The following CADM2 variants were observed in gnomAD, a reference collection of about 807,000 sequenced individuals.
The protein encoded by CADM2 is cell adhesion molecule 2.
In CADM2, 12 loss-of-function variants were observed where a neutral mutation model predicts 49.8. The ratio of observed to expected loss-of-function variants is 0.24; its 90% CI spans 0.15 to 0.39. The LOEUF (loss-of-function observed/expected upper bound fraction) is 0.39. Among genes scored for constraint, CADM2 ranks in the 10% least tolerant of loss-of-function variants. The pLI, the probability that CADM2 is intolerant of heterozygous loss-of-function variation, is 1.00. For missense variants in CADM2, 378 were observed against 492.3 expected (o/e 0.77, Z 2.20); for synonymous variants, 214 against 175.4 (o/e 1.22, Z -1.74).
chr3:85,840,675 T>C (rs906410342), intron 3 of CADM2, among the ~76,000 whole-genome samples: 1 of 151,890 alleles, frequency 6.6e-6, no homozygotes, highest in Non-Finnish European at 1.5e-5. Flanking sequence ...ACCCAACTGT[T>C]ACTTGCAGTA....
At chr3:85,207,721 A>G (rs1157403316) in intron 1 of CADM2, among the ~76,000 whole-genome samples, 1 of 152,180 alleles carries the variant, frequency 6.6e-6, no homozygotes, top group Non-Finnish European at 1.5e-5. Flanking sequence ...AATTACAGAG[A>G]GTCTCTTTAA....
intron 8 of CADM2, among the ~76,000 whole-genome samples, chr3:86,050,704 G>C (rs771226942): frequency 3.3e-5 from 5 of 152,318 alleles, no homozygotes; most frequent in Non-Finnish European, 5.9e-5. Context: ...CAAGGCTTAA[G>C]GCTTGCACCC....
At chr3:85,148,123 GC>G (rs939006599) in intron 1 of CADM2, among the ~76,000 whole-genome samples, 1 of 152,110 alleles carries the variant, frequency 6.6e-6, no homozygotes, top group African/African-American at 2.4e-5. Flanking sequence ...GAATATCACA[GC>G]GTGTAAACAG....
intron 1 of CADM2, among the ~76,000 whole-genome samples, chr3:85,707,410 T>G (rs530377435): frequency 9.2e-4 from 138 of 150,724 alleles, no homozygotes; most frequent in African/African-American, 3.2e-3. Context: ...TTTTTTTTTT[T>G]GTAAAATAGT....
intron 2 of CADM2, among the ~76,000 whole-genome samples, chr3:85,743,560 C>T (rs1199801892): frequency 6.6e-6 from 1 of 152,170 alleles, no homozygotes. Flanking sequence ...CATCTATCCT[C>T]CTGCCTCCTA....
At chr3:85,658,623 T>C (rs2065293241) in intron 1 of CADM2, among the ~76,000 whole-genome samples, 1 of 139,394 alleles carries the variant, frequency 7.2e-6, no homozygotes, top group African/African-American at 2.6e-5. Flanking sequence ...TATATACATG[T>C]ATGCATATGT....
At chr3:85,359,920 C>A (rs1423044987) in intron 1 of CADM2, among the ~76,000 whole-genome samples, 1 of 151,100 alleles carries the variant, frequency 6.6e-6, no homozygotes, top group Non-Finnish European at 1.5e-5. Context: ...ATTATCAAAT[C>A]TGTTTAAAAA....
At chr3:85,284,646 G>T (rs2043583525) in intron 1 of CADM2, among the ~76,000 whole-genome samples, 1 of 152,092 alleles carries the variant, frequency 6.6e-6, no homozygotes, top group African/African-American at 2.4e-5. Flanking sequence ...CTTGAGACAG[G>T]ATTCTGCCTG....
intron 1 of CADM2, among the ~76,000 whole-genome samples, chr3:85,119,307 C>T (rs529333233): frequency 3.9e-5 from 6 of 152,112 alleles, no homozygotes; most frequent in South Asian, 2.1e-4. Flanking sequence ...TACCCCGGAG[C>T]CTGAGGTGGC....
intron 8 of CADM2, chr3:86,014,610 G>A (rs941618265): frequency 4.4e-6 from 7 of 1,598,442 alleles, no homozygotes; most frequent in African/African-American, 1.3e-5. Context: ...GGAACTTAAA[G>A]ATATATTCTT....
At chr3:86,048,248 G>C (rs761029187) in intron 8 of CADM2, among the ~76,000 whole-genome samples, 3 of 151,866 alleles carry the variant, frequency 2.0e-5, no homozygotes, top group Non-Finnish European at 4.4e-5. Context: ...ATTTGTACAT[G>C]TATATACGTG....
chr3:85,847,001 T>C (rs1354380268), intron 3 of CADM2, among the ~76,000 whole-genome samples: 1 of 152,200 alleles, frequency 6.6e-6, no homozygotes, highest in Non-Finnish European at 1.5e-5. Flanking sequence ...GACTGCTGAA[T>C]TTCACTGCCA....
chr3:85,883,317 G>C lies in CADM2; in HGVS notation c.265G>C (p.Val89Leu). 1 of 1,613,534 alleles carries C rather than the reference G, an allele frequency of 6.2e-7. No homozygotes were observed. Among genetic ancestry groups the C allele is most frequent in the African/African-American group, 1.3e-5 (1 of 75,014 alleles). Reference protein sequence around the residue: ...KALRDNRIELVRASWHELSIS... With the variant: ...KALRDNRIELLRASWHELSIS... ...TTTAAGGGACAATAGGATCGAGCTG[G>C]TTCGCGCTTCCTGGCATGAATTGAG... Residue 89 changes from valine to leucine, a missense_variant, in exon 4 of 10, where the codon GTT becomes CTT. By Grantham distance (32) the Val-to-Leu change is conservative. Coordinates refer to ENST00000383699, the MANE Select transcript of CADM2 (RefSeq NM_001167675.2).
intron 2 of CADM2, among the ~76,000 whole-genome samples, chr3:85,750,367 T>C (rs1280466516): frequency 6.6e-6 from 1 of 152,228 alleles, no homozygotes; most frequent in African/African-American, 2.4e-5. Flanking sequence ...TTTATTCATC[T>C]GTCTTTAAGC....
At chr3:85,638,383 A>G (rs2064585373) in intron 1 of CADM2, among the ~76,000 whole-genome samples, 2 of 152,142 alleles carry the variant, frequency 1.3e-5, no homozygotes, top group Admixed American at 1.3e-4. Flanking sequence ...TATCTCCACA[A>G]ATTGATACAA....
intron 6 of CADM2, among the ~76,000 whole-genome samples, chr3:85,928,077 A>G (rs147007600): frequency 5.0e-3 from 758 of 152,266 alleles, no homozygotes; most frequent in Non-Finnish European, 8.0e-3. Context: ...TTTGATTCAA[A>G]TCCTCAGTCA....
chr3:85,146,603 A>C (rs2039751586), intron 1 of CADM2, among the ~76,000 whole-genome samples: 1 of 152,220 alleles, frequency 6.6e-6, no homozygotes, highest in Admixed American at 6.5e-5. Context: ...CTGTTGTCAC[A>C]TGTTTGAATG....
chr3:85,213,493 C>G (rs527804009), intron 1 of CADM2, among the ~76,000 whole-genome samples: 1 of 152,168 alleles, frequency 6.6e-6, no homozygotes, highest in Admixed American at 6.5e-5. Context: ...CTTTTAGAAT[C>G]CTTTCTTCAT....
At chr3:85,329,351 A>G (rs899519092) in intron 1 of CADM2, among the ~76,000 whole-genome samples, 2 of 151,600 alleles carry the variant, frequency 1.3e-5, no homozygotes, top group Non-Finnish European at 2.9e-5. Context: ...CCTGGCCAAC[A>G]TGGTAAAACC....
Sources: allele counts gnomAD v4.1 joint callset (sites outside exome capture counted in the v4.1 genomes callset), GRCh38; gene constraint gnomAD v4.1.1; transcripts MANE v1.5; gene names NCBI Gene and HGNC (gene_info 2026-07-23, HGNC 2026-07-21).